The following B3GALT5 variants were observed in gnomAD, a reference collection of about 807,000 sequenced individuals.
The protein encoded by B3GALT5 is UDP-Gal:betaGlcNAc beta 1,3-galactosyltransferase, polypeptide 5.
For missense variants in B3GALT5, 328 were observed against 396.6 expected, an observed-to-expected ratio of 0.83 and a Z score of 1.47; for synonymous variants, 156 against 158.6, an observed-to-expected ratio of 0.98 and a Z score of 0.12.
In B3GALT5 at chr21:39,661,426, T is replaced by C. The variant is rs745684366; in HGVS notation, c.867T>C (p.Pro289=). The C allele has an allele frequency of 6.4e-7, 1 of 1,551,472 alleles. No homozygotes were observed. The highest frequency in any genetic ancestry group is 8.7e-7 in the Non-Finnish European group (1 of 1,150,864). The part of the protein sequence containing the change: ...RRIVACHFIK[P]RTLLDYWQAL... The stretch of plus-strand genomic sequence containing the variant: ...TCGTGGCCTGCCACTTCATCAAGCC[T>C]CGGACTCTCTTGGACTACTGGCAGG... The change falls in exon 4 of 4, where the codon CCT becomes CCC. Residue 289 remains proline (P), a synonymous_variant. Coordinates refer to ENST00000684187, the MANE Select transcript of B3GALT5 (RefSeq NM_001356336.2). This position sits in a 1 kb window ranked among gnomAD's most constrained non-coding sequence, Gnocchi z 4.7.
chr21:39,650,635 C>T (rs753772081), intron 2 of B3GALT5, among the ~76,000 whole-genome samples: 3 of 152,230 alleles, frequency 2.0e-5, no homozygotes, highest in East Asian at 1.9e-4. Flanking sequence ...CAGATGCCAG[C>T]GCCTGGCTCG....
intron 2 of B3GALT5, among the ~76,000 whole-genome samples, chr21:39,653,155 T>C (rs1178344843): frequency 2.0e-5 from 3 of 152,252 alleles, no homozygotes; most frequent in South Asian, 2.1e-4. Flanking sequence ...TCCTTCATCA[T>C]TGATAAGTTT....
intron 1 of B3GALT5, among the ~76,000 whole-genome samples, chr21:39,614,628 G>A (rs1602248813): frequency 6.6e-6 from 1 of 152,182 alleles, no homozygotes; most frequent in Admixed American, 6.6e-5. Context: ...CCACACGGAT[G>A]GTAACCTTCA....
chr21:39,672,393 C>T lies in B3GALT5; in HGVS notation c.*10901C>T, dbSNP rs556327064. Reference sequence around the variant, plus strand: ...TACTTAATGCAACCAGAGGAGACTTCGCAGTCAAATTTTGCTTTTCCTAAA... The same window carrying T: ...TACTTAATGCAACCAGAGGAGACTTTGCAGTCAAATTTTGCTTTTCCTAAA... On this transcript the variant is annotated 3_prime_UTR_variant, in exon 4 of 4. Coordinates refer to ENST00000684187, the MANE Select transcript of B3GALT5 (RefSeq NM_001356336.2). 1.2e-3 allele frequency: 190 copies of T among 152,338 alleles called. No individual in the cohort carries two copies. Among genetic ancestry groups the T allele is most frequent in the African/African-American group, 4.3e-3 (180 of 41,584 alleles). The allele number at this position is 152,338 out of a possible 1,614,324, so 9.4% of individuals were successfully genotyped here. A position where few individuals can be genotyped will look rare whatever the true frequency, so the allele number is the denominator to read the frequency against.
intron 2 of B3GALT5, among the ~76,000 whole-genome samples, chr21:39,658,207 G>A (rs2079468366): frequency 6.6e-6 from 1 of 152,168 alleles, no homozygotes; most frequent in South Asian, 2.1e-4. Flanking sequence ...ATGTTCAACT[G>A]CCCATGAAAA....
At chr21:39,613,940 C>T (rs1377397316) in intron 1 of B3GALT5, among the ~76,000 whole-genome samples, 2 of 152,210 alleles carry the variant, frequency 1.3e-5, no homozygotes, top group African/African-American at 4.8e-5. Context: ...AACATTACTT[C>T]TCATCTCCAC....
chr21:39,668,679 C>T lies in B3GALT5; in HGVS notation c.*7187C>T, dbSNP rs1167096143. ...ACTCGGCCTCAGCCCTCCAGTGTGA[C>T]CTTGGGCATACCCTTCACCCCCGGG... is the stretch of plus-strand genomic sequence containing the variant. On this transcript the variant is annotated 3_prime_UTR_variant, in exon 4 of 4. Coordinates refer to ENST00000684187, the MANE Select transcript of B3GALT5 (RefSeq NM_001356336.2). 1 of 152,210 alleles carries T rather than the reference C, an allele frequency of 6.6e-6. No homozygotes were observed. The highest frequency in any genetic ancestry group is 2.4e-5 in the African/African-American group (1 of 41,432). 9.4% of individuals were successfully genotyped at this position (152,210 alleles called of 1,614,324 possible). A position where few individuals can be genotyped will look rare whatever the true frequency, so the allele number is the denominator to read the frequency against.
At chr21:39,615,405 G>A (rs1236173465) in intron 1 of B3GALT5, among the ~76,000 whole-genome samples, 1 of 152,226 alleles carries the variant, frequency 6.6e-6, no homozygotes, top group East Asian at 1.9e-4. Flanking sequence ...GGAGCTCTGA[G>A]TATCGTGCAG....
Position 39,661,257 on chromosome 21 carries a change from C to T in B3GALT5, c.698C>T (p.Ser233Phe), listed in dbSNP as rs1481400428. 1.2e-6 allele frequency: 2 copies of T among 1,614,174 alleles called. No individual in the cohort carries two copies. Among genetic ancestry groups the T allele is most frequent in the Non-Finnish European group, 8.5e-7 (1 of 1,180,046 alleles). Reference sequence around the variant, plus strand: ...GTGGCGAGTCAGGTGTACAATGTCTCCAAGAGCGTCCCATACATTAAACTG... The same window carrying T: ...GTGGCGAGTCAGGTGTACAATGTCTTCAAGAGCGTCCCATACATTAAACTG... ...GDVASQVYNV[S>F]KSVPYIKLED... Residue 233 changes from serine (S) to phenylalanine (F), a missense_variant, in exon 4 of 4, where the codon TCC (serine) becomes TTC (phenylalanine). Transcript: ENST00000684187. The surrounding 1 kb of genome is among the most constrained non-coding windows in gnomAD (Gnocchi z 4.7).
In B3GALT5 at chr21:39,661,475, G is replaced by T; in HGVS notation, c.916G>T (p.Asp306Tyr). ...GGCTCTAGAGAATTCCCGGGGGGAA[G>T]ATTGTCCGCCTGTCTGAGGGGAGCC... The part of the protein sequence containing the change: ...WQALENSRGE[D>Y]CPPV The change falls in exon 4 of 4, where the codon GAT becomes TAT. Residue 306 changes from aspartate to tyrosine, a missense_variant. By Grantham distance (160) the Asp-to-Tyr change is radical (BLOSUM62 -3). Coordinates refer to ENST00000684187, the MANE Select transcript of B3GALT5 (RefSeq NM_001356336.2). The surrounding 1 kb of genome is among the most constrained non-coding windows in gnomAD (Gnocchi z 4.7). 2 of 1,509,674 alleles carry T rather than the reference G, an allele frequency of 1.3e-6. No homozygotes were observed. The highest frequency in any genetic ancestry group is 1.4e-5 in the South Asian group (1 of 72,784). 93.5% of individuals were successfully genotyped at this position (1,509,674 alleles called of 1,614,324 possible).
chr21:39,624,466 C>T (rs973361536), intron 1 of B3GALT5, among the ~76,000 whole-genome samples: 1 of 152,200 alleles, frequency 6.6e-6, no homozygotes. Context: ...AGCAGTTGCT[C>T]AGAGTGGGTG....
rs992696659 is a variant in B3GALT5, at chr21:39,669,836, T to G, written c.*8344T>G. The G allele has an allele frequency of 3.3e-5, 5 of 152,172 alleles. No individual in the cohort carries two copies. The highest frequency in any genetic ancestry group is 5.9e-5 in the Non-Finnish European group (4 of 68,058). The allele number at this position is 152,172 out of a possible 1,614,324, so 9.4% of individuals were successfully genotyped here. On this transcript the variant is annotated 3_prime_UTR_variant, in exon 4 of 4. Coordinates refer to ENST00000684187, the MANE Select transcript of B3GALT5 (RefSeq NM_001356336.2). ...CTCCACTTGGCACAGTGGTGAGTCC[T>G]CCGATGTATCTGCTTTCATAGGAAG...
intron 1 of B3GALT5, among the ~76,000 whole-genome samples, chr21:39,637,872 G>A (rs1432278795): frequency 2.6e-5 from 4 of 152,218 alleles, no homozygotes; most frequent in Admixed American, 1.3e-4. Context: ...CTGCAAGGGA[G>A]CAAGTGAGCC....
chr21:39,641,364 A>G (rs1241498208), intron 1 of B3GALT5, among the ~76,000 whole-genome samples: 2 of 152,230 alleles, frequency 1.3e-5, no homozygotes, highest in African/African-American at 4.8e-5. Flanking sequence ...ATTAAAATAA[A>G]TAAAAAAATT....
At chr21:39,642,911 G>T (rs960482117) in intron 1 of B3GALT5, among the ~76,000 whole-genome samples, 11 of 151,944 alleles carry the variant, frequency 7.2e-5, no homozygotes, top group Admixed American at 1.3e-4. Context: ...AGAAAGCTGG[G>T]CATGGTGGTG....
chr21:39,639,080 C>T (rs1274863413), intron 1 of B3GALT5, among the ~76,000 whole-genome samples: 1 of 152,160 alleles, frequency 6.6e-6, no homozygotes, highest in East Asian at 1.9e-4. Flanking sequence ...CCCATATTAC[C>T]ACGAAAGGAA....
chr21:39,635,070 C>T (rs1286397005), intron 1 of B3GALT5, among the ~76,000 whole-genome samples: 2 of 152,160 alleles, frequency 1.3e-5, no homozygotes, highest in African/African-American at 4.8e-5. Context: ...CCGCAAAGCC[C>T]ACCATCCAAA....
rs1043830139 is a variant in B3GALT5, at chr21:39,668,783, T to C, written c.*7291T>C. On this transcript the variant is annotated 3_prime_UTR_variant, in exon 4 of 4. Transcript: ENST00000684187. ...ATTTTACCTTCCTCGCCAAGTCCCT[T>C]GAGTGGCAAGTTACTTATCTTCTCA... 1 of 152,256 alleles carries C rather than the reference T, an allele frequency of 6.6e-6. No homozygotes were observed. The highest frequency in any genetic ancestry group is 6.5e-5 in the Admixed American group (1 of 15,284). 9.4% of individuals were successfully genotyped at this position (152,256 alleles called of 1,614,324 possible). A position where few individuals can be genotyped will look rare whatever the true frequency, so the allele number is the denominator to read the frequency against.
At chr21:39,613,155 C>G (rs1327791795) in intron 1 of B3GALT5, 88 bp downstream of exon 1, 2 of 149,416 alleles carry the variant, frequency 1.3e-5, no homozygotes, top group African/African-American at 2.4e-5. Flanking sequence ...GCGTGGGTGC[C>G]GGGCGCAGGG....
Sources: allele counts gnomAD v4.1 joint callset (sites outside exome capture counted in the v4.1 genomes callset), GRCh38; gene constraint gnomAD v4.1.1; non-coding constraint Gnocchi (gnomAD v3.1); transcripts MANE v1.5; gene names NCBI Gene and HGNC (gene_info 2026-07-23, HGNC 2026-07-21).